The following LTBP1 variants were observed in gnomAD, a reference collection of about 807,000 sequenced individuals.
The protein encoded by LTBP1 is latent-transforming growth factor beta-binding protein 1.
LTBP1 carries 129 observed loss-of-function variants against 207.6 expected under a neutral mutation model. The ratio of observed to expected loss-of-function variants is 0.62; its 90% CI spans 0.54 to 0.72. The LOEUF is 0.72. Ranked by LOEUF, LTBP1 falls within the 30% of genes least tolerant of loss-of-function variation. The probability of loss-of-function intolerance (pLI) is 0.00; values close to 1 mark genes in which losing one functional copy is unlikely to be tolerated. For synonymous variants in LTBP1, 963 were observed against 833.7 expected (o/e 1.16, Z -2.67); for missense variants, 2,281 against 2,217.2 (o/e 1.03, Z -0.58).
At chr2:33,322,720 A>G (rs1241634138) in intron 24 of LTBP1, among the ~76,000 whole-genome samples, 1 of 152,206 alleles carries the variant, frequency 6.6e-6, no homozygotes, top group Non-Finnish European at 1.5e-5. Context: ...ACAGCTTAGA[A>G]TGAGGGCATT....
chr2:33,040,067 AG>A (rs1337210895), intron 3 of LTBP1, among the ~76,000 whole-genome samples: 2 of 152,188 alleles, frequency 1.3e-5, no homozygotes, highest in Non-Finnish European at 2.9e-5. Flanking sequence ...TAGGTAGAGT[AG>A]GGCATGGAGG....
chr2:33,220,603 T>C (rs2091041251), intron 8 of LTBP1, among the ~76,000 whole-genome samples: 1 of 152,246 alleles, frequency 6.6e-6, no homozygotes, highest in African/African-American at 2.4e-5. Flanking sequence ...CTGTAAGAGA[T>C]TGCCTGGTCT....
chr2:33,140,352 C>T (rs999727107), intron 5 of LTBP1, among the ~76,000 whole-genome samples: 2 of 152,166 alleles, frequency 1.3e-5, no homozygotes, highest in African/African-American at 2.4e-5. Context: ...CTTTGCCATT[C>T]GTCATTGTTT....
intron 2 of LTBP1, among the ~76,000 whole-genome samples, chr2:33,014,857 T>C (rs548234651): frequency 6.6e-6 from 1 of 152,294 alleles, no homozygotes; most frequent in Non-Finnish European, 1.5e-5. Context: ...GATGAAAGTA[T>C]TTTCAGAAGA....
At chr2:32,984,908 GC>G (rs1683309106) in intron 2 of LTBP1, among the ~76,000 whole-genome samples, 1 of 151,936 alleles carries the variant, frequency 6.6e-6, no homozygotes, top group African/African-American at 2.4e-5. Flanking sequence ...TCCAGCCTGG[GC>G]GAGAAGAGTG....
chr2:33,316,035 A>T (rs575571437), intron 24 of LTBP1, among the ~76,000 whole-genome samples: 2 of 152,324 alleles, frequency 1.3e-5, no homozygotes, highest in South Asian at 4.1e-4. Flanking sequence ...AAGGCAGTAT[A>T]TTTACTTACC....
At chr2:33,340,129 G>A (rs553585159) in intron 24 of LTBP1, among the ~76,000 whole-genome samples, 1 of 152,090 alleles carries the variant, frequency 6.6e-6, no homozygotes, top group East Asian at 1.9e-4. Flanking sequence ...GTGGTGGCGA[G>A]CGCCTGTAGT....
intron 10 of LTBP1, among the ~76,000 whole-genome samples, chr2:33,245,929 G>T (rs2092493543): frequency 6.6e-6 from 1 of 152,190 alleles, no homozygotes; most frequent in Non-Finnish European, 1.5e-5. Context: ...CTGATGTCTA[G>T]AGTTGAGGGC....
chr2:33,021,905 G>A (rs931752417), intron 3 of LTBP1, among the ~76,000 whole-genome samples: 4 of 152,088 alleles, frequency 2.6e-5, no homozygotes, highest in East Asian at 1.9e-4. Flanking sequence ...CAGCTGCACC[G>A]GGTCCTTAAA....
At chr2:33,184,786 T>G (rs972103623) in intron 5 of LTBP1, among the ~76,000 whole-genome samples, 11 of 152,102 alleles carry the variant, frequency 7.2e-5, no homozygotes, top group East Asian at 3.9e-4. Context: ...TTTCTGTTTT[T>G]TTTTTTTTTT....
At chr2:33,273,890 A>G in intron 16 of LTBP1, 109 bp downstream of exon 16, 3 of 1,020,500 alleles carry the variant, frequency 2.9e-6, no homozygotes, top group Non-Finnish European at 2.7e-6. Flanking sequence ...TACTGGTTTA[A>G]TTTTTTGAAA....
intron 7 of LTBP1, among the ~76,000 whole-genome samples, chr2:33,211,798 A>C (rs566513477): frequency 6.6e-6 from 1 of 152,324 alleles, no homozygotes; most frequent in African/African-American, 2.4e-5. Context: ...AAGCAACTCC[A>C]GTGGGGAGTT....
intron 2 of LTBP1, among the ~76,000 whole-genome samples, chr2:33,020,037 G>T (rs2075084051): frequency 6.6e-6 from 1 of 152,108 alleles, no homozygotes; most frequent in South Asian, 2.1e-4. Flanking sequence ...ACTCTGTTTG[G>T]TCAGGAGTGT....
chr2:32,975,583 GTTTT>G (rs779168923), intron 2 of LTBP1, among the ~76,000 whole-genome samples: 26 of 31,380 alleles, frequency 8.3e-4, no homozygotes, highest in African/African-American at 3.2e-3. Context: ...TTCATTCTTT[GTTTT>G]TTTTTTTTTT....
In LTBP1 at chr2:33,363,617, C is replaced by T. The variant is rs547587346; in HGVS notation, c.4399+99C>T. The T allele has an allele frequency of 1.4e-5, 19 of 1,315,130 alleles. No homozygotes were observed. The East Asian group carries it at 3.1e-4, about 21-fold the overall frequency. The allele number at this position is 1,315,130 out of a possible 1,614,324, so 81.5% of individuals were successfully genotyped here. ...AAAAACAATTTCCTTGAATCTAAAT[C>T]ATGTGTTGAAAAGATGTGTAAACGT... On this transcript the variant is annotated intron_variant, in intron 29 of 33. Coordinates refer to ENST00000404816, the MANE Select transcript of LTBP1 (RefSeq NM_206943.4).
intron 2 of LTBP1, among the ~76,000 whole-genome samples, chr2:33,008,465 T>A (rs927509660): frequency 2.6e-5 from 4 of 152,372 alleles, no homozygotes; most frequent in African/African-American, 9.6e-5. Context: ...AACAGACTTT[T>A]AGAAAATCTG....
chr2:33,159,568 C>T (rs1209430350), intron 5 of LTBP1, among the ~76,000 whole-genome samples: 1 of 152,134 alleles, frequency 6.6e-6, no homozygotes, highest in East Asian at 1.9e-4. Flanking sequence ...GCTTCTAACC[C>T]CCACCCTCCC....
At chr2:33,201,240 A>G (rs1192013888) in intron 7 of LTBP1, among the ~76,000 whole-genome samples, 7 of 152,326 alleles carry the variant, frequency 4.6e-5, no homozygotes, top group East Asian at 3.9e-4. Context: ...ATGGCCAACA[A>G]TGATAGACTG....
chr2:33,144,721 C>T (rs976895509), intron 5 of LTBP1, among the ~76,000 whole-genome samples: 1 of 152,132 alleles, frequency 6.6e-6, no homozygotes, highest in Non-Finnish European at 1.5e-5. Context: ...GTATATATAC[C>T]TGCACCATTT....
Sources: allele counts gnomAD v4.1 joint callset (sites outside exome capture counted in the v4.1 genomes callset), GRCh38; gene constraint gnomAD v4.1.1; transcripts MANE v1.5; gene names NCBI Gene and HGNC (gene_info 2026-07-23, HGNC 2026-07-21).